Variants in PSMD14 observed in about 807,000 individuals in gnomAD.
PSMD14 encodes ubiquitin C-terminal hydrolase PSMD14.
A neutral mutation model predicts 41.2 loss-of-function variants in PSMD14; 7 were observed. The ratio of observed to expected loss-of-function variants is 0.17; its 90% CI spans 0.10 to 0.32. PSMD14 has a LOEUF of 0.32. Ranked by LOEUF, PSMD14 falls within the 10% of genes least tolerant of loss-of-function variation. PSMD14 has a pLI of 1.00. For synonymous variants in PSMD14, 114 were observed against 122.3 expected, an observed-to-expected ratio of 0.93 and a Z score of 0.45; for missense variants, 139 against 375.6, an observed-to-expected ratio of 0.37 and a Z score of 5.21.
intron 3 of PSMD14, among the ~76,000 whole-genome samples, chr2:161,344,213 G>C (rs1683009845): frequency 6.6e-6 from 1 of 152,136 alleles, no homozygotes. Flanking sequence ...ATCATTTAGT[G>C]TCTTACTTAG....
intron 1 of PSMD14, among the ~76,000 whole-genome samples, chr2:161,311,244 G>C (rs921850033): frequency 2.6e-5 from 4 of 152,158 alleles, no homozygotes; most frequent in African/African-American, 9.7e-5. Context: ...TGGAGGCAGA[G>C]GTTTCAGTGA....
chr2:161,363,218 A>C (rs1402818695), intron 3 of PSMD14, among the ~76,000 whole-genome samples: 1 of 152,194 alleles, frequency 6.6e-6, no homozygotes, highest in East Asian at 1.9e-4. Flanking sequence ...GTTTCATCTC[A>C]AAACCATCCT....
chr2:161,386,514 C>A (rs1389937109), intron 8 of PSMD14, among the ~76,000 whole-genome samples: 1 of 151,074 alleles, frequency 6.6e-6, no homozygotes, highest in Non-Finnish European at 1.5e-5. Context: ...CTGTAATCTT[C>A]ATCAAAGTGA....
chr2:161,346,742 CCTTT>C (rs776739378), intron 3 of PSMD14, among the ~76,000 whole-genome samples: 3 of 151,478 alleles, frequency 2.0e-5, no homozygotes, highest in Non-Finnish European at 4.4e-5. Flanking sequence ...TGAGGCTAGA[CCTTT>C]CTGTCTCTTC....
In PSMD14 at chr2:161,411,476, C is replaced by A; in HGVS notation, c.*76C>A. ...TTCCTAATGCTCAAAATCAAGGGAC[C>A]TCTGAAGGTGTACTTGGCTAAATGT... On this transcript the variant is annotated 3_prime_UTR_variant, in exon 12 of 12. Transcript: ENST00000409682. 1 of 1,045,126 alleles carries A rather than the reference C, an allele frequency of 9.6e-7. No individual in the cohort carries two copies. The highest frequency in any genetic ancestry group is 1.4e-6 in the Non-Finnish European group (1 of 727,430). The allele number at this position is 1,045,126 out of a possible 1,614,324, so 64.7% of individuals were successfully genotyped here. A position where few individuals can be genotyped will look rare whatever the true frequency, so the allele number is the denominator to read the frequency against.
At chr2:161,342,333 C>CTTT (rs34424898) in intron 3 of PSMD14, among the ~76,000 whole-genome samples, 1 of 147,230 alleles carries the variant, frequency 6.8e-6, no homozygotes, top group East Asian at 2.0e-4. Context: ...TTTGTTGAGA[C>CTTT]TTTTTTTTTT....
chr2:161,372,015 A>G (rs1454596045), intron 7 of PSMD14, among the ~76,000 whole-genome samples: 4 of 139,248 alleles, frequency 2.9e-5, no homozygotes, highest in Non-Finnish European at 4.7e-5. Flanking sequence ...CCATTTTCCT[A>G]TTTCCTGCCT....
Position 161,411,578 on chromosome 2 carries a change from G to T in PSMD14, c.*178G>T. The T allele has an allele frequency of 2.6e-6, 1 of 385,026 alleles. No individual in the cohort carries two copies. The highest frequency in any genetic ancestry group is 4.6e-6 in the Non-Finnish European group (1 of 216,834). The allele number at this position is 385,026 out of a possible 1,614,324, so 23.9% of individuals were successfully genotyped here. ...CAATTACTTCTGTTTCTTTAGTCAGGGTCTTTGCAGATTCTAAAGTTATAC... is the reference window on the plus strand; with the variant it reads ...CAATTACTTCTGTTTCTTTAGTCAGTGTCTTTGCAGATTCTAAAGTTATAC... On this transcript the variant is annotated 3_prime_UTR_variant, in exon 12 of 12. Transcript: ENST00000409682.
intron 3 of PSMD14, among the ~76,000 whole-genome samples, chr2:161,358,004 CTTGA>C (rs1423485550): frequency 1.3e-5 from 2 of 151,404 alleles, no homozygotes; most frequent in Non-Finnish European, 2.9e-5. Flanking sequence ...GAACTATGCT[CTTGA>C]TTAAGCACCA....
chr2:161,313,251 G>A (rs1311217582), intron 1 of PSMD14, among the ~76,000 whole-genome samples: 3 of 152,000 alleles, frequency 2.0e-5, no homozygotes, highest in African/African-American at 7.3e-5. Context: ...TTACCATCTA[G>A]GTCCAGTAGA....
chr2:161,404,953 A>G (rs1683929805), intron 10 of PSMD14, among the ~76,000 whole-genome samples: 1 of 151,950 alleles, frequency 6.6e-6, no homozygotes, highest in Admixed American at 6.6e-5. Flanking sequence ...CAACTTTGAA[A>G]TCTCTTCATT....
chr2:161,321,930 C>T (rs774443766), intron 3 of PSMD14, among the ~76,000 whole-genome samples: 10 of 152,104 alleles, frequency 6.6e-5, no homozygotes, highest in African/African-American at 2.2e-4. Flanking sequence ...TATTGGGACT[C>T]GGCATACATG....
chr2:161,377,907 G>A (rs773081671), intron 7 of PSMD14, among the ~76,000 whole-genome samples: 6 of 151,912 alleles, frequency 3.9e-5, no homozygotes, highest in Non-Finnish European at 8.8e-5. Flanking sequence ...GAATTATAGA[G>A]AAGAATACGA....
At chr2:161,358,420 G>A (rs765449057) in intron 3 of PSMD14, among the ~76,000 whole-genome samples, 3 of 152,054 alleles carry the variant, frequency 2.0e-5, no homozygotes, top group Non-Finnish European at 2.9e-5. Context: ...GTCTAGGATT[G>A]GAAATATGAG....
Position 161,331,772 on chromosome 2 carries a change from A to T in PSMD14, c.48+12899A>T, listed in dbSNP as rs188501279. 4.6e-5 allele frequency among the ~76,000 whole-genome samples: 7 copies of T among 152,312 alleles called. No homozygotes were observed. The East Asian group carries it at 1.3e-3, about 29-fold the overall frequency. On this transcript the variant is annotated intron_variant, in intron 3 of 11. Coordinates refer to ENST00000409682, the MANE Select transcript of PSMD14 (RefSeq NM_005805.6). ...AAATTTTCCTCTGGAATTTAAAAAA[A>T]ATGGGGTGGGGGAGCAGAGGAGAGC... is the stretch of plus-strand genomic sequence containing the variant.
intron 11 of PSMD14, 29 bp downstream of exon 11, chr2:161,408,928 G>T (rs1210665344): frequency 1.3e-6 from 2 of 1,540,884 alleles, no homozygotes; most frequent in African/African-American, 2.7e-5. Flanking sequence ...AAGTTATGCA[G>T]TTGCATAATA....
chr2:161,334,312 A>T (rs189244836), intron 3 of PSMD14, among the ~76,000 whole-genome samples: 2 of 152,326 alleles, frequency 1.3e-5, no homozygotes, highest in Admixed American at 6.5e-5. Context: ...CTCCAGCCTA[A>T]GCAACAAGAG....
intron 3 of PSMD14, among the ~76,000 whole-genome samples, chr2:161,354,248 G>C (rs1046873754): frequency 1.3e-5 from 2 of 152,064 alleles, no homozygotes; most frequent in African/African-American, 4.8e-5. Context: ...ATGTGTGTCA[G>C]ATGGTGGGGG....
chr2:161,309,884 G>A (rs1199394008), intron 1 of PSMD14, among the ~76,000 whole-genome samples: 4 of 151,910 alleles, frequency 2.6e-5, no homozygotes, highest in Admixed American at 6.6e-5. Flanking sequence ...GGCCGGGTGC[G>A]GTGGCTCACA....
Sources: gnomAD v4.1 joint callset for allele counts (sites outside exome capture counted in the v4.1 genomes callset) on GRCh38, gnomAD v4.1.1 for gene constraint, MANE v1.5 for transcripts, NCBI Gene and HGNC (gene_info 2026-07-23, HGNC 2026-07-21) for gene names.